CADM4: variants seen among roughly 807,000 people sequenced by gnomAD.
The protein encoded by CADM4 is cell adhesion molecule 4.
In CADM4, 13 loss-of-function variants were observed where a neutral mutation model predicts 43.9. The ratio of observed to expected loss-of-function variants is 0.30; its 90% CI spans 0.19 to 0.47. The LOEUF is 0.47. CADM4 is among the 20% of genes least tolerant of loss of function. The pLI is 1.00. For synonymous variants in CADM4, 209 were observed against 220.9 expected (o/e 0.95, Z 0.48); for missense variants, 420 against 527.0 (o/e 0.80, Z 1.99).
In CADM4 at chr19:43,626,185, C is replaced by T. The variant is rs747322414; in HGVS notation, c.603G>A (p.Ala201=). 4 of 1,613,816 alleles carry T rather than the reference C, an allele frequency of 2.5e-6. No individual in the cohort carries two copies. The highest frequency in any genetic ancestry group is 2.2e-5 in the East Asian group (1 of 44,878). ...KDDGGIIICE[A]QNQALPSGHS... ...GTCCGGAGGGCAGCGCCTGGTTCTGCGCCTCACAGATGATGATACCACCGT... is the reference window on the plus strand; with the variant it reads ...GTCCGGAGGGCAGCGCCTGGTTCTGTGCCTCACAGATGATGATACCACCGT... Residue 201 remains alanine (A), a synonymous_variant, in exon 5 of 9, where the codon GCG becomes GCA. Coordinates refer to ENST00000222374, the MANE Select transcript of CADM4 (RefSeq NM_145296.2). The surrounding 1 kb of genome is among the most constrained non-coding windows in gnomAD (Gnocchi z 5.9).
At chr19:43,637,304 A>G (rs995961609) in intron 1 of CADM4, among the ~76,000 whole-genome samples, 2 of 152,202 alleles carry the variant, frequency 1.3e-5, no homozygotes, top group South Asian at 4.1e-4. Context: ...TGTGGGAACA[A>G]CAGATACCCC....
chr19:43,627,315 A>G lies in CADM4; in HGVS notation c.215T>C (p.Leu72Ser). The G allele has an allele frequency of 6.3e-7, 1 of 1,579,468 alleles. No individual in the cohort carries two copies. The change falls in exon 3 of 9, where the codon TTG (leucine) becomes TCG (serine). Residue 72 changes from leucine to serine, a missense_variant. Coordinates refer to ENST00000222374, the MANE Select transcript of CADM4 (RefSeq NM_145296.2). The surrounding 1 kb of genome is among the most constrained non-coding windows in gnomAD (Gnocchi z 4.0). ...CTCAAGCTGGAAACGCTCATCCTTC[A>G]AGGCTAGAGAGAGTGAGGGGGAAGG... ...QTLFFNGTRA[L>S]KDERFQLEEF...
intron 1 of CADM4, among the ~76,000 whole-genome samples, chr19:43,637,817 C>T (rs1012714636): frequency 2.0e-5 from 3 of 152,234 alleles, no homozygotes; most frequent in Middle Eastern, 6.8e-3. Context: ...CAAGATTTCA[C>T]GATTTTTAAG....
intron 7 of CADM4, 197 bp downstream of exon 7, chr19:43,624,879 CTG>C: frequency 1.7e-6 from 1 of 592,184 alleles, no homozygotes; most frequent in Non-Finnish European, 3.0e-6. Context: ...GATGGGTAAA[CTG>C]AGGCGCAGAC....
intron 1 of CADM4, among the ~76,000 whole-genome samples, chr19:43,628,296 G>T (rs1034992174): frequency 6.6e-6 from 1 of 151,024 alleles, no homozygotes; most frequent in Non-Finnish European, 1.5e-5. Context: ...TTAGCTGGGT[G>T]TGGTGGTGCG....
At chr19:43,631,299 C>T (rs985982542) in intron 1 of CADM4, among the ~76,000 whole-genome samples, 1 of 151,586 alleles carries the variant, frequency 6.6e-6, no homozygotes, top group African/African-American at 2.4e-5. Context: ...CAAGATCGCG[C>T]CACTGCAGTC....
In CADM4 at chr19:43,622,453, GTGGTTTTT is replaced by G. The variant is rs915544683; in HGVS notation, c.*869_*876del. ...TCCCCACCCCGTACAAAATGTGTGTGTGGTTTTTTGTTTTTTGTTTTTTGTTTTTTAAC... is the reference window on the plus strand; with the variant it reads ...TCCCCACCCCGTACAAAATGTGTGTGTGTTTTTTGTTTTTTGTTTTTTAAC... On this transcript the variant is annotated 3_prime_UTR_variant, in exon 9 of 9. Coordinates refer to ENST00000222374, the MANE Select transcript of CADM4 (RefSeq NM_145296.2). 4 of 152,200 alleles carry G rather than the reference GTGGTTTTT, an allele frequency of 2.6e-5. No homozygotes were observed. The highest frequency in any genetic ancestry group is 9.7e-5 in the African/African-American group (4 of 41,402). 9.4% of individuals were successfully genotyped at this position (152,200 alleles called of 1,614,324 possible). A position where few individuals can be genotyped will look rare whatever the true frequency, so the allele number is the denominator to read the frequency against.
At position 43,626,077 on chromosome 19, in the gene CADM4, G is replaced by T; in HGVS notation, c.664+47C>A. On this transcript the variant is annotated intron_variant, in intron 5 of 8. Coordinates refer to ENST00000222374, the MANE Select transcript of CADM4 (RefSeq NM_145296.2). The surrounding 1 kb of genome is among the most constrained non-coding windows in gnomAD (Gnocchi z 5.9). ...ACAAGGGGGACCCTCGCGGGTGCGG[G>T]TGGCTGGCGTTGGGATCCCTTGGGT... 6.2e-7 allele frequency: 1 copy of T among 1,612,068 alleles called. No individual in the cohort carries two copies. Among genetic ancestry groups the T allele is most frequent in the Non-Finnish European group, 8.5e-7 (1 of 1,178,824 alleles).
At position 43,627,026 on chromosome 19, in the gene CADM4, G is replaced by T; in HGVS notation, c.365-108C>A. The T allele has an allele frequency of 6.7e-7, 1 of 1,484,788 alleles. No homozygotes were observed. The highest frequency in any genetic ancestry group is 9.0e-7 in the Non-Finnish European group (1 of 1,110,636). 92.0% of individuals were successfully genotyped at this position (1,484,788 alleles called of 1,614,324 possible). A position where few individuals can be genotyped will look rare whatever the true frequency, so the allele number is the denominator to read the frequency against. ...CCATAGGGAACCAGGGTCCCAGGTG[G>T]CAGGGGTCAAAGGGGAGAGGTCAGG... On this transcript the variant is annotated intron_variant, in intron 3 of 8. Transcript: ENST00000222374. This position sits in a 1 kb window ranked among gnomAD's most constrained non-coding sequence, Gnocchi z 4.0.
At chr19:43,628,374 G>T (rs1417459246) in intron 1 of CADM4, among the ~76,000 whole-genome samples, 2 of 151,592 alleles carry the variant, frequency 1.3e-5, no homozygotes, top group Non-Finnish European at 2.9e-5. Flanking sequence ...GTTGGAAGTT[G>T]CAGTGAGCCG....
rs969743130 is a variant in CADM4 at position 43,622,636 on chromosome 19, G to C, written c.*694C>G. 6.6e-6 allele frequency: 1 copy of C among 152,622 alleles called. No homozygotes were observed. Among genetic ancestry groups the C allele is most frequent in the African/African-American group, 2.4e-5 (1 of 41,444 alleles). The allele number at this position is 152,622 out of a possible 1,614,324, so 9.5% of individuals were successfully genotyped here. A position where few individuals can be genotyped will look rare whatever the true frequency, so the allele number is the denominator to read the frequency against. ...CCTTTCCCCCTCCCCGGGGGGCCTG[G>C]AGGAGAGATGGGGAAGGCCCCCCCA... On this transcript the variant is annotated 3_prime_UTR_variant, in exon 9 of 9. Coordinates refer to ENST00000222374, the MANE Select transcript of CADM4 (RefSeq NM_145296.2).
At position 43,626,219 on chromosome 19, in the gene CADM4, C is replaced by T. The variant is rs369877532; in HGVS notation, c.569G>A (p.Arg190His). Reference sequence around the variant, plus strand: ...GATGATGATACCACCGTCGTCCTTACGGTCCACACGAAACCGTACTGTGCT... The same window carrying T: ...GATGATGATACCACCGTCGTCCTTATGGTCCACACGAAACCGTACTGTGCT... ...VASTVRFRVD[R>H]KDDGGIIICE... Residue 190 changes from arginine to histidine, a missense_variant, in exon 5 of 9, where the codon CGT (arginine) becomes CAT (histidine). Arg to His is a conservative substitution (Grantham distance 29). Transcript: ENST00000222374. This position sits in a 1 kb window ranked among gnomAD's most constrained non-coding sequence, Gnocchi z 5.9. 28 of 1,613,548 alleles carry T rather than the reference C, an allele frequency of 1.7e-5. No homozygotes were observed. The highest frequency in any genetic ancestry group is 2.1e-5 in the Non-Finnish European group (25 of 1,180,008).
At chr19:43,639,548 G>A (rs1054417126) in intron 1 of CADM4, among the ~76,000 whole-genome samples, 179 bp downstream of exon 1, 1 of 150,590 alleles carries the variant, frequency 6.6e-6, no homozygotes. Context: ...CGGGCCCCGC[G>A]CCCCCTCCCC....
Position 43,626,140 on chromosome 19 carries a change from G to A in CADM4, c.648C>T (p.Tyr216=), listed in dbSNP as rs1973522514. The part of the protein sequence containing the change: ...LPSGHSKQTQ[Y]VLDVQYSPTA... Reference sequence around the variant, plus strand: ...GTCACTTACACTGCACATCCAGCACGTACTGCGTCTGCTTGCTGTGTCCGG... The same window carrying A: ...GTCACTTACACTGCACATCCAGCACATACTGCGTCTGCTTGCTGTGTCCGG... Residue 216 remains tyrosine (Y), a synonymous_variant, in exon 5 of 9, where the codon TAC becomes TAT. Coordinates refer to ENST00000222374, the MANE Select transcript of CADM4 (RefSeq NM_145296.2). The surrounding 1 kb of genome is among the most constrained non-coding windows in gnomAD (Gnocchi z 5.9). 2 of 1,613,896 alleles carry A rather than the reference G, an allele frequency of 1.2e-6. No homozygotes were observed. Among genetic ancestry groups the A allele is most frequent in the Non-Finnish European group, 1.7e-6 (2 of 1,179,928 alleles).
Position 43,639,802 on chromosome 19 carries a change from C to G in CADM4, c.-12G>C. On this transcript the variant is annotated 5_prime_UTR_variant, in exon 1 of 9. Coordinates refer to ENST00000222374, the MANE Select transcript of CADM4 (RefSeq NM_145296.2). ...CGGGCCCGGCCCATGGTGCCGCCGC[C>G]GCCGCCGCCGCCGCTCGCTCCCGGC... The G allele has an allele frequency of 1.0e-5, 10 of 999,650 alleles. No homozygotes were observed. The highest frequency in any genetic ancestry group is 1.2e-5 in the Non-Finnish European group (10 of 843,020). The allele number at this position is 999,650 out of a possible 1,614,324, so 61.9% of individuals were successfully genotyped here.
chr19:43,633,862 A>T (rs200333569), intron 1 of CADM4, among the ~76,000 whole-genome samples: 31 of 142,336 alleles, frequency 2.2e-4, no homozygotes, highest in Middle Eastern at 3.6e-3. Context: ...AAAAAAAAAA[A>T]TTTTTTTTTT....
Position 43,623,191 on chromosome 19 carries a change from C to A in CADM4, c.*139G>T, listed in dbSNP as rs1278731717. 2.9e-6 allele frequency: 2 copies of A among 680,632 alleles called. No individual in the cohort carries two copies. The allele number at this position is 680,632 out of a possible 1,614,324, so 42.2% of individuals were successfully genotyped here. On this transcript the variant is annotated 3_prime_UTR_variant, in exon 9 of 9. Coordinates refer to ENST00000222374, the MANE Select transcript of CADM4 (RefSeq NM_145296.2). This position sits in a 1 kb window ranked among gnomAD's most constrained non-coding sequence, Gnocchi z 4.4. ...AGGCATCCAACACCCCCATCCCTGCCCAAGCGTCTGAGGTGTTAGTGGTGG... is the reference window on the plus strand; with the variant it reads ...AGGCATCCAACACCCCCATCCCTGCACAAGCGTCTGAGGTGTTAGTGGTGG...
chr19:43,625,887 A>G lies in CADM4; in HGVS notation c.755+24T>C. On this transcript the variant is annotated intron_variant, in intron 6 of 8. Transcript: ENST00000222374. This position sits in a 1 kb window ranked among gnomAD's most constrained non-coding sequence, Gnocchi z 4.5. ...GGTCCCCAGCTTTCTCCTCCTGAGG[A>G]CGCAGGAGGCCCCCAGAGCTCACCT... 1 of 1,596,384 alleles carries G rather than the reference A, an allele frequency of 6.3e-7. No individual in the cohort carries two copies. Among genetic ancestry groups the G allele is most frequent in the Non-Finnish European group, 8.6e-7 (1 of 1,164,132 alleles).
rs1046112995 is a variant in CADM4, at chr19:43,627,673, C to T, written c.182G>A (p.Arg61Gln). 2.4e-5 allele frequency: 39 copies of T among 1,613,776 alleles called. No individual in the cohort carries two copies. Among genetic ancestry groups the T allele is most frequent in the Non-Finnish European group, 3.1e-5 (36 of 1,179,874 alleles). ...GSIVVIQNPA[R>Q]QTLFFNGTRA... ...GGTGCCATTGAAGAAGAGGGTCTGC[C>T]GGGCTGGGTTCTGGATGACAACTAT... Residue 61 changes from arginine (R) to glutamine (Q), a missense_variant, in exon 2 of 9, where the codon CGG becomes CAG. Coordinates refer to ENST00000222374, the MANE Select transcript of CADM4 (RefSeq NM_145296.2). This position sits in a 1 kb window ranked among gnomAD's most constrained non-coding sequence, Gnocchi z 4.0.
Sources: allele counts gnomAD v4.1 joint callset (sites outside exome capture counted in the v4.1 genomes callset), GRCh38; gene constraint gnomAD v4.1.1; non-coding constraint Gnocchi (gnomAD v3.1); transcripts MANE v1.5; gene names NCBI Gene and HGNC (gene_info 2026-07-23, HGNC 2026-07-21).